The following AGPAT4 variants were observed in gnomAD, a reference collection of about 807,000 sequenced individuals.
AGPAT4 encodes 1-acylglycerol-3-phosphate O-acyltransferase 4.
Under a neutral mutation model 48.0 loss-of-function variants are expected in AGPAT4, and 15 were observed. The ratio of observed to expected loss-of-function variants is 0.31; its 90% CI spans 0.21 to 0.48. The LOEUF (loss-of-function observed/expected upper bound fraction) is 0.48, where lower values mean the gene tolerates loss of function less well. AGPAT4 is among the 20% of genes least tolerant of loss of function. The pLI, the probability that AGPAT4 is intolerant of heterozygous loss-of-function variation, is 0.99. For synonymous variants in AGPAT4, 178 were observed against 198.7 expected (o/e 0.90, Z 0.88); for missense variants, 314 against 482.5 (o/e 0.65, Z 3.27).
chr6:161,136,404 C>A lies in AGPAT4; in HGVS notation c.*136G>T, dbSNP rs558238930. ...CCCATCCGGCCTTGAGACCAGACTC[C>A]CTGGCTGGAGAGGTCGTGACTTCCG... On this transcript the variant is annotated 3_prime_UTR_variant, in exon 9 of 9. Coordinates refer to ENST00000320285, the MANE Select transcript of AGPAT4 (RefSeq NM_020133.3). The A allele has an allele frequency of 2.0e-5, 14 of 699,976 alleles. 1 individual carries two copies. The South Asian group carries it at 2.1e-4, about 11-fold the overall frequency. 43.4% of individuals were successfully genotyped at this position (699,976 alleles called of 1,614,324 possible).
Position 161,138,348 on chromosome 6 carries a change from C to T in AGPAT4, c.1042+1074G>A, listed in dbSNP as rs929205214. 7.9e-5 allele frequency among the ~76,000 whole-genome samples: 12 copies of T among 152,210 alleles called. No individual in the cohort carries two copies. The highest frequency in any genetic ancestry group is 2.9e-4 in the African/African-American group (12 of 41,466). On this transcript the variant is annotated intron_variant, in intron 8 of 8. Transcript: ENST00000320285. The surrounding 1 kb of genome is among the most constrained non-coding windows in gnomAD (Gnocchi z 4.8). ...GCTTGTCTACTGCACCCATATGCTGCAGCATTGGTTGGCTCAGTCAGAATG... is the reference window on the plus strand; with the variant it reads ...GCTTGTCTACTGCACCCATATGCTGTAGCATTGGTTGGCTCAGTCAGAATG...
chr6:161,190,292 G>C (rs911658485), intron 2 of AGPAT4, among the ~76,000 whole-genome samples: 1 of 152,182 alleles, frequency 6.6e-6, no homozygotes, highest in African/African-American at 2.4e-5. Context: ...ATGGAAAAGC[G>C]AGTGAGCAAG....
At position 161,161,473 on chromosome 6, in the gene AGPAT4, T is replaced by G; in HGVS notation, c.348+4775A>C. The G allele has an allele frequency of 2.2e-6, 1 of 456,704 alleles. No homozygotes were observed. Among genetic ancestry groups the G allele is most frequent in the South Asian group, 1.5e-5 (1 of 64,568 alleles). 28.3% of individuals were successfully genotyped at this position (456,704 alleles called of 1,614,324 possible). A position where few individuals can be genotyped will look rare whatever the true frequency, so the allele number is the denominator to read the frequency against. ...GGGTGGCGTCCCAGCCCATTCCTAG[T>G]GCAAGGTCTGTGCCTGCAGAGCTGA... On this transcript the variant is annotated intron_variant, in intron 3 of 8. Coordinates refer to ENST00000320285, the MANE Select transcript of AGPAT4 (RefSeq NM_020133.3). The surrounding 1 kb of genome is among the most constrained non-coding windows in gnomAD (Gnocchi z 4.6).
rs2114941713 is a variant in AGPAT4, at chr6:161,132,324, A to G, written c.*4216T>C. The G allele has an allele frequency of 6.6e-6, 1 of 152,362 alleles. No individual in the cohort carries two copies. Among genetic ancestry groups the G allele is most frequent in the South Asian group, 2.1e-4 (1 of 4,826 alleles). 9.4% of individuals were successfully genotyped at this position (152,362 alleles called of 1,614,324 possible). On this transcript the variant is annotated 3_prime_UTR_variant, in exon 9 of 9. Transcript: ENST00000320285. ...ACCATATCCTTATATAGATGGGGAA[A>G]AATCCAGAAAAGGGGGATTTTCAGC... is the stretch of plus-strand genomic sequence containing the variant.
chr6:161,186,363 C>T (rs111959871), intron 2 of AGPAT4, among the ~76,000 whole-genome samples: 432 of 152,250 alleles, frequency 2.8e-3, no homozygotes, highest in African/African-American at 9.5e-3. Context: ...CCCAGGGCTC[C>T]TCTATTTGCA....
In AGPAT4 at chr6:161,166,449, T is replaced by A. The variant is rs779783604; in HGVS notation, c.179-32A>T. 2 of 1,570,658 alleles carry A rather than the reference T, an allele frequency of 1.3e-6. No individual in the cohort carries two copies. Among genetic ancestry groups the A allele is most frequent in the South Asian group, 2.4e-5 (2 of 82,798 alleles). On this transcript the variant is annotated intron_variant, in intron 2 of 8. Coordinates refer to ENST00000320285, the MANE Select transcript of AGPAT4 (RefSeq NM_020133.3). This position sits in a 1 kb window ranked among gnomAD's most constrained non-coding sequence, Gnocchi z 6.7. The stretch of plus-strand genomic sequence containing the variant: ...CAAACCACAACAGACAGATGTTTAC[T>A]ACATGCAGCCTTGTCCTGGGAGCCC...
At chr6:161,210,782 T>G (rs540465628) in intron 2 of AGPAT4, among the ~76,000 whole-genome samples, 94 of 152,330 alleles carry the variant, frequency 6.2e-4, no homozygotes, top group African/African-American at 2.0e-3. Context: ...AAATTTGGCA[T>G]AGGGGTTACA....
chr6:161,161,109 G>A lies in AGPAT4; in HGVS notation c.348+5139C>T. The A allele has an allele frequency of 2.2e-6, 1 of 456,730 alleles. No homozygotes were observed. Among genetic ancestry groups the A allele is most frequent in the Non-Finnish European group, 4.4e-6 (1 of 226,968 alleles). 28.3% of individuals were successfully genotyped at this position (456,730 alleles called of 1,614,324 possible). On this transcript the variant is annotated intron_variant, in intron 3 of 8. Coordinates refer to ENST00000320285, the MANE Select transcript of AGPAT4 (RefSeq NM_020133.3). The surrounding 1 kb of genome is among the most constrained non-coding windows in gnomAD (Gnocchi z 4.6). ...CCGTTTGCTGAGGGCTGCGCACAGA[G>A]GAGGAGGAAGCCCCAAGCTTTCAAC...
In AGPAT4 at chr6:161,166,314, G is replaced by A; in HGVS notation, c.282C>T (p.Leu94=). 1.2e-6 allele frequency: 2 copies of A among 1,614,166 alleles called. No homozygotes were observed. Among genetic ancestry groups the A allele is most frequent in the South Asian group, 1.1e-5 (1 of 91,072 alleles). ...KYGKENAIVV[L]NHKFEIDFLC... is the part of the protein sequence containing the mutation. ...GAAAGTCAATTTCAAACTTGTGGTT[G>A]AGAACCACGATGGCATTTTCCTTCC... is the stretch of plus-strand genomic sequence containing the variant. The change falls in exon 3 of 9, where the codon CTC becomes CTT. Residue 94 remains leucine (L), a synonymous_variant. Coordinates refer to ENST00000320285, the MANE Select transcript of AGPAT4 (RefSeq NM_020133.3). This position sits in a 1 kb window ranked among gnomAD's most constrained non-coding sequence, Gnocchi z 6.7.
chr6:161,154,300 A>C lies in AGPAT4; in HGVS notation c.359T>G (p.Val120Gly). 2 of 1,614,124 alleles carry C rather than the reference A, an allele frequency of 1.2e-6. No individual in the cohort carries two copies. The highest frequency in any genetic ancestry group is 1.7e-6 in the Non-Finnish European group (2 of 1,180,018). ...ATAGGCCAGCTCTTTCTTGGCCAGG[A>C]CCTTGGAGCCCTGAAACAGAAGAAG... ...ERFGLLGGSK[V>G]LAKKELAYVP... is the part of the protein sequence containing the mutation. The change falls in exon 4 of 9, where the codon GTC becomes GGC. Residue 120 changes from valine to glycine, a missense_variant. By Grantham distance (109) the Val-to-Gly change is moderately radical. Coordinates refer to ENST00000320285, the MANE Select transcript of AGPAT4 (RefSeq NM_020133.3). The surrounding 1 kb of genome is among the most constrained non-coding windows in gnomAD (Gnocchi z 7.8).
intron 2 of AGPAT4, among the ~76,000 whole-genome samples, chr6:161,190,971 C>T (rs1780906623): frequency 6.6e-6 from 1 of 152,162 alleles, no homozygotes; most frequent in East Asian, 1.9e-4. Flanking sequence ...GTCTGGATTT[C>T]CCATGAAGAC....
rs928264314 is a variant in AGPAT4 at position 161,155,032 on chromosome 6, C to A, written c.349-722G>T. On this transcript the variant is annotated intron_variant, in intron 3 of 8. Transcript: ENST00000320285. The surrounding 1 kb of genome is among the most constrained non-coding windows in gnomAD (Gnocchi z 5.8). ...GCTCGGTGCCCTCCACACCCGCTGCCAGCATGTCCTTGAGGCTGAGACGGG... is the reference window on the plus strand; with the variant it reads ...GCTCGGTGCCCTCCACACCCGCTGCAAGCATGTCCTTGAGGCTGAGACGGG... Among the ~76,000 whole-genome samples, 1 of 152,208 alleles carries A rather than the reference C, an allele frequency of 6.6e-6. No individual in the cohort carries two copies. The highest frequency in any genetic ancestry group is 6.5e-5 in the Admixed American group (1 of 15,284).
At position 161,144,709 on chromosome 6, in the gene AGPAT4, T is replaced by G. The variant is rs898853240; in HGVS notation, c.843+1815A>C. ...AAGTAACATTTTCGGCTGGGCACGG[T>G]GGCTCACGCCTGTAATCCCAGCACT... On this transcript the variant is annotated intron_variant, in intron 7 of 8. Transcript: ENST00000320285. This position sits in a 1 kb window ranked among gnomAD's most constrained non-coding sequence, Gnocchi z 6.6. Among the ~76,000 whole-genome samples, 12 of 152,322 alleles carry G rather than the reference T, an allele frequency of 7.9e-5. No homozygotes were observed. Among genetic ancestry groups the G allele is most frequent in the African/African-American group, 2.9e-4 (12 of 41,562 alleles).
intron 2 of AGPAT4, among the ~76,000 whole-genome samples, chr6:161,181,509 G>A (rs1780590378): frequency 1.6e-5 from 2 of 125,504 alleles, no homozygotes; most frequent in South Asian, 2.4e-4. Context: ...GTAGCAGGGG[G>A]CGGGGGGCGC....
rs544147839 is a variant in AGPAT4, at chr6:161,192,297, C to T, written c.179-25880G>A. Reference sequence around the variant, plus strand: ...TCCTGAATAGCTGGGATTACAGGTGCCTGCCACCACACGCAGCTAATTTTT... The same window carrying T: ...TCCTGAATAGCTGGGATTACAGGTGTCTGCCACCACACGCAGCTAATTTTT... On this transcript the variant is annotated intron_variant, in intron 2 of 8. Coordinates refer to ENST00000320285, the MANE Select transcript of AGPAT4 (RefSeq NM_020133.3). 3.3e-5 allele frequency among the ~76,000 whole-genome samples: 5 copies of T among 151,972 alleles called. No individual in the cohort carries two copies. In the East Asian group the frequency reaches 5.8e-4, roughly 18 times the overall value.
rs1206651092 is a variant in AGPAT4 at position 161,161,509 on chromosome 6, T to C, written c.348+4739A>G. ...TGCCTGCAGAGCTGATGAATTCACA[T>C]GGTGGCGGGCAGCACTGGGTATCTG... On this transcript the variant is annotated intron_variant, in intron 3 of 8. Coordinates refer to ENST00000320285, the MANE Select transcript of AGPAT4 (RefSeq NM_020133.3). This position sits in a 1 kb window ranked among gnomAD's most constrained non-coding sequence, Gnocchi z 4.6. 1.1e-5 allele frequency: 5 copies of C among 456,512 alleles called. No individual in the cohort carries two copies. Among genetic ancestry groups the C allele is most frequent in the Non-Finnish European group, 2.2e-5 (5 of 226,914 alleles). 28.3% of individuals were successfully genotyped at this position (456,512 alleles called of 1,614,324 possible). A position where few individuals can be genotyped will look rare whatever the true frequency, so the allele number is the denominator to read the frequency against.
rs376611395 is a variant in AGPAT4 at position 161,142,414 on chromosome 6, A to G, written c.844-2794T>C. ...GTTTTTGTGTGTTACCGTGTGGCAT[A>G]GTATAAAGTTGGAACTGGGAAATGT... On this transcript the variant is annotated intron_variant, in intron 7 of 8. Transcript: ENST00000320285. The surrounding 1 kb of genome is among the most constrained non-coding windows in gnomAD (Gnocchi z 6.4). Among the ~76,000 whole-genome samples the G allele has an allele frequency of 6.6e-6, 1 of 152,170 alleles. No homozygotes were observed. The highest frequency in any genetic ancestry group is 1.9e-4 in the East Asian group (1 of 5,190).
At position 161,201,533 on chromosome 6, in the gene AGPAT4, C is replaced by T. The variant is rs902874303; in HGVS notation, c.178+30503G>A. Among the ~76,000 whole-genome samples the T allele has an allele frequency of 6.6e-6, 1 of 152,182 alleles. No individual in the cohort carries two copies. Among genetic ancestry groups the T allele is most frequent in the Non-Finnish European group, 1.5e-5 (1 of 68,024 alleles). On this transcript the variant is annotated intron_variant, in intron 2 of 8. Coordinates refer to ENST00000320285, the MANE Select transcript of AGPAT4 (RefSeq NM_020133.3). This position sits in a 1 kb window ranked among gnomAD's most constrained non-coding sequence, Gnocchi z 6.0. Reference sequence around the variant, plus strand: ...ATTTCCCCACCATGAGCTCTATCTGCGATGTCCCAGGAACTCTCCTGCAAT... The same window carrying T: ...ATTTCCCCACCATGAGCTCTATCTGTGATGTCCCAGGAACTCTCCTGCAAT...
In AGPAT4 at chr6:161,149,948, A is replaced by G. The variant is rs549368535; in HGVS notation, c.665-659T>C. 3.2e-4 allele frequency among the ~76,000 whole-genome samples: 49 copies of G among 152,348 alleles called. No individual in the cohort carries two copies. Among genetic ancestry groups the G allele is most frequent in the African/African-American group, 1.1e-3 (45 of 41,580 alleles). The stretch of plus-strand genomic sequence containing the variant: ...CTATCATTTCAGTCAAGAAACACCG[A>G]AATTTGAACAAGTGTGGATGATAAG... On this transcript the variant is annotated intron_variant, in intron 5 of 8. Transcript: ENST00000320285. The surrounding 1 kb of genome is among the most constrained non-coding windows in gnomAD (Gnocchi z 6.5).
Sources: allele counts gnomAD v4.1 joint callset (sites outside exome capture counted in the v4.1 genomes callset), GRCh38; gene constraint gnomAD v4.1.1; non-coding constraint Gnocchi (gnomAD v3.1); transcripts MANE v1.5; gene names NCBI Gene and HGNC (gene_info 2026-07-23, HGNC 2026-07-21).